IQCH: variants seen among roughly 807,000 people sequenced by gnomAD.
The protein encoded by IQCH is IQ motif containing H, also known as IQ domain-containing protein H.
A neutral mutation model predicts 117.0 loss-of-function variants in IQCH; 98 were observed. That is an observed-to-expected ratio of 0.84 (90% confidence interval 0.71 to 0.99). The LOEUF (loss-of-function observed/expected upper bound fraction) is 0.99. Ranked by LOEUF, IQCH falls within the 50% of genes least tolerant of loss-of-function variation. The pLI is 0.00. For synonymous variants in IQCH, 412 were observed against 448.2 expected (o/e 0.92, Z 1.02); for missense variants, 1,102 against 1,243.8 (o/e 0.89, Z 1.72).
In IQCH at chr15:67,491,766, C is replaced by T. The variant is rs948527896; in HGVS notation, c.2861+1702C>T. Reference sequence around the variant, plus strand: ...CAGGGAAGGATCAGCCCCTTGCTTCCCAGTAACATTCTGCCCCTCAGCTCC... The same window carrying T: ...CAGGGAAGGATCAGCCCCTTGCTTCTCAGTAACATTCTGCCCCTCAGCTCC... On this transcript the variant is annotated intron_variant, in intron 19 of 20. Coordinates refer to ENST00000335894, the MANE Select transcript of IQCH (RefSeq NM_001031715.3). The surrounding 1 kb of genome is among the most constrained non-coding windows in gnomAD (Gnocchi z 4.9). Among the ~76,000 whole-genome samples the T allele has an allele frequency of 6.6e-6, 1 of 152,212 alleles. No individual in the cohort carries two copies. The highest frequency in any genetic ancestry group is 6.5e-5 in the Admixed American group (1 of 15,278).
chr15:67,316,026 A>ATTCT (rs1461578893), intron 4 of IQCH, among the ~76,000 whole-genome samples: 1 of 152,152 alleles, frequency 6.6e-6, no homozygotes, highest in Admixed American at 6.5e-5. Context: ...GAGAAAAATA[A>ATTCT]TTCTCCTTTC....
In IQCH at chr15:67,343,563, A is replaced by G. The variant is rs112429123; in HGVS notation, c.509-500A>G. 5.8e-3 allele frequency among the ~76,000 whole-genome samples: 879 copies of G among 152,320 alleles called. 8 individuals carry two copies. The highest frequency in any genetic ancestry group is 0.02 in the African/African-American group (831 of 41,574). ...ATTAAAATAACCTATCTGAGCATTA[A>G]TGTTTCTGGTGATATGAGAAATGTC... On this transcript the variant is annotated intron_variant, in intron 5 of 20. Transcript: ENST00000335894.
chr15:67,323,920 G>T (rs1459285271), intron 4 of IQCH, among the ~76,000 whole-genome samples: 3 of 147,564 alleles, frequency 2.0e-5, no homozygotes, highest in Non-Finnish European at 4.5e-5. Context: ...TCAGCTCGAA[G>T]AATGTTTTTT....
chr15:67,450,243 GA>G (rs1222829747), intron 16 of IQCH, among the ~76,000 whole-genome samples: 1 of 152,130 alleles, frequency 6.6e-6, no homozygotes, highest in Non-Finnish European at 1.5e-5. Context: ...GCCCTGGCCA[GA>G]ACTTCCAACA....
In IQCH at chr15:67,388,887, C is replaced by T; in HGVS notation, c.1513C>T (p.Leu505=). 1 of 1,613,704 alleles carries T rather than the reference C, an allele frequency of 6.2e-7. No homozygotes were observed. Among genetic ancestry groups the T allele is most frequent in the Non-Finnish European group, 8.5e-7 (1 of 1,179,716 alleles). ...CSHHMNDELV[L]YYKKILSLHA... Reference sequence around the variant, plus strand: ...CCATCATATGAATGACGAGTTAGTGCTGTATTACAAAAAAATCCTAAGTCT... The same window carrying T: ...CCATCATATGAATGACGAGTTAGTGTTGTATTACAAAAAAATCCTAAGTCT... The change falls in exon 12 of 21, where the codon CTG becomes TTG. Residue 505 remains leucine, a synonymous_variant. Coordinates refer to ENST00000335894, the MANE Select transcript of IQCH (RefSeq NM_001031715.3). The surrounding 1 kb of genome is among the most constrained non-coding windows in gnomAD (Gnocchi z 5.5).
chr15:67,373,542 G>T lies in IQCH; in HGVS notation c.1372+109G>T, dbSNP rs1170622573. On this transcript the variant is annotated intron_variant, in intron 10 of 20. Coordinates refer to ENST00000335894, the MANE Select transcript of IQCH (RefSeq NM_001031715.3). ...CCTTGTTTTATTCAAATTGGTCTCG[G>T]CAGGAAAATGTTCTCGACATGATGA... The T allele has an allele frequency of 5.1e-6, 4 of 782,510 alleles. No homozygotes were observed. In the African/African-American group the frequency reaches 6.8e-5, roughly 13 times the overall value. 48.5% of individuals were successfully genotyped at this position (782,510 alleles called of 1,614,324 possible).
Position 67,457,012 on chromosome 15 carries a change from T to G in IQCH, c.2506-8115T>G, listed in dbSNP as rs1017199939. On this transcript the variant is annotated intron_variant, in intron 16 of 20. Transcript: ENST00000335894. This position sits in a 1 kb window ranked among gnomAD's most constrained non-coding sequence, Gnocchi z 5.7. ...ATTAACAGAGACAGAGGGGAAGGCCTCTAAGCTGAAAACCAAGAGGCTCAA... is the reference window on the plus strand; with the variant it reads ...ATTAACAGAGACAGAGGGGAAGGCCGCTAAGCTGAAAACCAAGAGGCTCAA... 2.0e-5 allele frequency among the ~76,000 whole-genome samples: 3 copies of G among 152,282 alleles called. No homozygotes were observed. Among genetic ancestry groups the G allele is most frequent in the African/African-American group, 7.2e-5 (3 of 41,562 alleles).
At chr15:67,455,019 C>G (rs1332966375) in intron 16 of IQCH, among the ~76,000 whole-genome samples, 1 of 152,214 alleles carries the variant, frequency 6.6e-6, no homozygotes, top group Non-Finnish European at 1.5e-5. Flanking sequence ...TGCCACCTCA[C>G]TAGCAGTATA....
intron 3 of IQCH, among the ~76,000 whole-genome samples, chr15:67,269,598 G>A (rs1192633303): frequency 1.3e-5 from 2 of 151,800 alleles, no homozygotes; most frequent in African/African-American, 2.4e-5. Flanking sequence ...CTCTCTAACT[G>A]TATATTAAAC....
intron 4 of IQCH, among the ~76,000 whole-genome samples, chr15:67,305,681 G>A (rs8038883): frequency 0.45 from 68,764 of 151,746 alleles, 16,057 homozygotes; most frequent in Non-Finnish European, 0.52. Flanking sequence ...TTTGTAGCCC[G>A]AGGCAACTGC....
chr15:67,419,378 A>G (rs2081664214), intron 15 of IQCH, among the ~76,000 whole-genome samples: 1 of 152,080 alleles, frequency 6.6e-6, no homozygotes, highest in African/African-American at 2.4e-5. Context: ...TCCCTAACTG[A>G]GCCAGGGTGT....
chr15:67,307,359 T>G, intron 4 of IQCH: 1 of 166,398 alleles, frequency 6.0e-6, no homozygotes, highest in Non-Finnish European at 1.2e-5. Flanking sequence ...CATAGTTTCA[T>G]TCTTTACTGT....
At chr15:67,455,588 G>A (rs1238911856) in intron 16 of IQCH, among the ~76,000 whole-genome samples, 15 of 152,244 alleles carry the variant, frequency 9.9e-5, no homozygotes, top group Admixed American at 9.8e-4. Context: ...AATGCCACAT[G>A]CTCATCCTTA....
intron 4 of IQCH, among the ~76,000 whole-genome samples, chr15:67,312,321 T>G (rs1481486797): frequency 3.3e-5 from 5 of 152,138 alleles, no homozygotes; most frequent in African/African-American, 9.7e-5. Flanking sequence ...GTATTTTATT[T>G]AATCCATTTA....
At position 67,457,726 on chromosome 15, in the gene IQCH, G is replaced by T. The variant is rs1213219479; in HGVS notation, c.2506-7401G>T. The stretch of plus-strand genomic sequence containing the variant: ...AAATAGGCCCAGAGAGGGGAAAGAA[G>T]TTGCTTAAGACCACAAGGCCAGCAC... On this transcript the variant is annotated intron_variant, in intron 16 of 20. Coordinates refer to ENST00000335894, the MANE Select transcript of IQCH (RefSeq NM_001031715.3). This position sits in a 1 kb window ranked among gnomAD's most constrained non-coding sequence, Gnocchi z 5.7. Among the ~76,000 whole-genome samples, 1 of 152,196 alleles carries T rather than the reference G, an allele frequency of 6.6e-6. No homozygotes were observed. Among genetic ancestry groups the T allele is most frequent in the Non-Finnish European group, 1.5e-5 (1 of 68,040 alleles).
chr15:67,427,872 A>G lies in IQCH; in HGVS notation c.2505+6295A>G, dbSNP rs541548459. On this transcript the variant is annotated intron_variant, in intron 16 of 20. Coordinates refer to ENST00000335894, the MANE Select transcript of IQCH (RefSeq NM_001031715.3). This position sits in a 1 kb window ranked among gnomAD's most constrained non-coding sequence, Gnocchi z 4.7. Reference sequence around the variant, plus strand: ...GAAGCAGAATCTCCCTGTGTTGCCCAGGCTGGAGTGCAGTGGCATGATCTT... The same window carrying G: ...GAAGCAGAATCTCCCTGTGTTGCCCGGGCTGGAGTGCAGTGGCATGATCTT... 6.7e-6 allele frequency among the ~76,000 whole-genome samples: 1 copy of G among 149,408 alleles called. No individual in the cohort carries two copies. The highest frequency in any genetic ancestry group is 2.5e-5 in the African/African-American group (1 of 40,382).
chr15:67,363,399 C>A (rs28862424), intron 8 of IQCH, among the ~76,000 whole-genome samples: 1 of 151,606 alleles, frequency 6.6e-6, no homozygotes, highest in Non-Finnish European at 1.5e-5. Context: ...CCACACCCAG[C>A]TAAATTTTTT....
At chr15:67,298,790 C>T (rs1476832424) in intron 4 of IQCH, among the ~76,000 whole-genome samples, 3 of 151,888 alleles carry the variant, frequency 2.0e-5, no homozygotes, top group South Asian at 4.1e-4. Flanking sequence ...CACATGAACC[C>T]GGGAGGCAGA....
intron 16 of IQCH, among the ~76,000 whole-genome samples, chr15:67,464,696 G>C (rs988455871): frequency 6.6e-5 from 10 of 152,060 alleles, no homozygotes; most frequent in African/African-American, 2.4e-4. Context: ...CCAAAATCAG[G>C]GCAAACTGCC....
Sources: gnomAD v4.1 joint callset for allele counts (sites outside exome capture counted in the v4.1 genomes callset) on GRCh38, gnomAD v4.1.1 for gene constraint, Gnocchi (gnomAD v3.1) non-coding constraint, MANE v1.5 for transcripts, NCBI Gene and HGNC (gene_info 2026-07-23, HGNC 2026-07-21) for gene names.